LRP5: variants seen among roughly 807,000 people sequenced by gnomAD.
LRP5 encodes the protein LDL receptor related protein 5.
Under a neutral mutation model 154.1 loss-of-function variants are expected in LRP5, and 62 were observed. That is an observed-to-expected ratio of 0.40 (90% confidence interval 0.33 to 0.50). LRP5 has a LOEUF of 0.50. Ranked by LOEUF, LRP5 falls within the 20% of genes least tolerant of loss-of-function variation. LRP5 has a pLI of 0.55. For synonymous variants in LRP5, 966 were observed against 1,011.5 expected, an observed-to-expected ratio of 0.96 and a Z score of 0.85; for missense variants, 1,915 against 2,336.7, an observed-to-expected ratio of 0.82 and a Z score of 3.72.
intron 1 of LRP5, among the ~76,000 whole-genome samples, chr11:68,347,296 C>A (rs991455693): frequency 6.6e-6 from 1 of 152,208 alleles, no homozygotes; most frequent in African/African-American, 2.4e-5. Flanking sequence ...GCTGATGCCA[C>A]GGCCAAGGAA....
intron 5 of LRP5, among the ~76,000 whole-genome samples, chr11:68,374,910 C>G (rs954946721): frequency 3.3e-5 from 5 of 152,330 alleles, no homozygotes; most frequent in Admixed American, 2.0e-4. Flanking sequence ...TGGGTGAATG[C>G]TGTGGGCGCC....
intron 1 of LRP5, among the ~76,000 whole-genome samples, chr11:68,343,265 C>T (rs2098610189): frequency 6.6e-6 from 1 of 152,158 alleles, no homozygotes; most frequent in Non-Finnish European, 1.5e-5. Context: ...GTTCCGTGTC[C>T]AGTCCCACTC....
intron 5 of LRP5, among the ~76,000 whole-genome samples, chr11:68,383,407 G>A (rs2098641337): frequency 2.6e-5 from 4 of 152,198 alleles, no homozygotes; most frequent in Admixed American, 2.6e-4. Flanking sequence ...AGCCCTTGGG[G>A]ACCTTCCAGG....
intron 21 of LRP5, 99 bp downstream of exon 21, chr11:68,440,015 T>A: frequency 3.7e-6 from 4 of 1,094,338 alleles, no homozygotes; most frequent in Non-Finnish European, 5.1e-6. Flanking sequence ...TCCTGGGGGC[T>A]GTGCCACCGC....
chr11:68,440,838 G>C (rs1565119432), intron 21 of LRP5, among the ~76,000 whole-genome samples: 2 of 151,734 alleles, frequency 1.3e-5, no homozygotes, highest in Non-Finnish European at 2.9e-5. Context: ...GTGATCTCTA[G>C]GCTCACCGCA....
At chr11:68,446,395 G>T in intron 21 of LRP5, 41 bp from the exon 22 acceptor site, 2 of 1,357,062 alleles carry the variant, frequency 1.5e-6, no homozygotes, top group Non-Finnish European at 2.1e-6. Flanking sequence ...GAATGCCCAG[G>T]CTGGCGAGGC....
At position 68,348,217 on chromosome 11, in the gene LRP5, G is replaced by A. The variant is rs1274222251; in HGVS notation, c.462G>A (p.Arg154=). 2 of 1,608,998 alleles carry A rather than the reference G, an allele frequency of 1.2e-6. No homozygotes were observed. Among genetic ancestry groups the A allele is most frequent in the Non-Finnish European group, 1.7e-6 (2 of 1,180,014 alleles). The change falls in exon 2 of 23, where the codon AGG becomes AGA. Residue 154 remains arginine, a synonymous_variant. Coordinates refer to ENST00000294304, the MANE Select transcript of LRP5 (RefSeq NM_002335.4). ...VLFWQDLDQP[R]AIALDPAHGY... is the part of the protein sequence containing the mutation. ...TCTGGCAGGACCTTGACCAGCCGAG[G>A]GCCATCGCCTTGGACCCCGCTCACG...
chr11:68,317,932 G>T (rs1255058929), intron 1 of LRP5, among the ~76,000 whole-genome samples: 23 of 152,096 alleles, frequency 1.5e-4, no homozygotes, highest in Admixed American at 2.0e-4. Flanking sequence ...CTGGGAGGTT[G>T]TCCTGGGGGT....
chr11:68,433,758 G>A lies in LRP5; in HGVS notation c.3920G>A (p.Arg1307Gln), dbSNP rs760090713. Residue 1307 changes from arginine to glutamine, a missense_variant, in exon 18 of 23, where the codon CGG becomes CAG. This residue lies in a region of LRP5 where 1,094 missense variants were observed against 1,210.1 expected (regional missense o/e 0.90). Transcript: ENST00000294304. ...VCSAAQFPCA[R>Q]GQCVDLRLRC... ...TCCGCCGCCCAGTTCCCCTGCGCGC[G>A]GGGTCAGTGTGTGGACCTGCGCCTG... 23 of 1,612,568 alleles carry A rather than the reference G, an allele frequency of 1.4e-5. No homozygotes were observed. The highest frequency in any genetic ancestry group is 1.1e-4 in the South Asian group (10 of 91,050).
chr11:68,386,499 C>A lies in LRP5; in HGVS notation c.1199C>A (p.Ala400Glu), dbSNP rs201320326. ...GACGAGGTGCGGGCCATCCGCAGGG[C>A]GTACCTGGACGGGTCTGGGGCGCAG... ...TDDEVRAIRR[A>E]YLDGSGAQTL... Residue 400 changes from alanine to glutamate, a missense_variant, in exon 6 of 23, where the codon GCG becomes GAG. Around this residue, in one of 3 missense-constraint regions of LRP5, gnomAD observed 773 missense variants for 1,100.9 expected, o/e 0.70. Coordinates refer to ENST00000294304, the MANE Select transcript of LRP5 (RefSeq NM_002335.4). The surrounding 1 kb of genome is among the most constrained non-coding windows in gnomAD (Gnocchi z 7.9). The A allele has an allele frequency of 1.2e-5, 19 of 1,614,082 alleles. No individual in the cohort carries two copies. The highest frequency in any genetic ancestry group is 1.6e-5 in the Non-Finnish European group (19 of 1,180,016).
intron 5 of LRP5, among the ~76,000 whole-genome samples, chr11:68,371,706 T>C (rs538439811): frequency 1.3e-5 from 2 of 152,348 alleles, no homozygotes; most frequent in South Asian, 4.1e-4. Flanking sequence ...CTGGAGCTGC[T>C]CACCCAGGGG....
chr11:68,331,494 G>T lies in LRP5; in HGVS notation c.92-16353G>T, dbSNP rs550465735. On this transcript the variant is annotated intron_variant, in intron 1 of 22. Coordinates refer to ENST00000294304, the MANE Select transcript of LRP5 (RefSeq NM_002335.4). Reference sequence around the variant, plus strand: ...CCCAGCTCTGCGGTGGAGCAGCAGGGACCTGCCTGGCCCATCTCCCTGTTG... The same window carrying T: ...CCCAGCTCTGCGGTGGAGCAGCAGGTACCTGCCTGGCCCATCTCCCTGTTG... 3.2e-4 allele frequency among the ~76,000 whole-genome samples: 49 copies of T among 152,336 alleles called. 1 individual carries two copies. The South Asian group carries it at 0.01, about 32-fold the overall frequency.
At chr11:68,337,219 C>T (rs966723772) in intron 1 of LRP5, among the ~76,000 whole-genome samples, 8 of 152,084 alleles carry the variant, frequency 5.3e-5, no homozygotes, top group African/African-American at 9.7e-5. Flanking sequence ...CATGCCGATG[C>T]GGGGTGGACA....
chr11:68,370,459 G>C (rs551136763), intron 5 of LRP5, among the ~76,000 whole-genome samples: 1 of 152,252 alleles, frequency 6.6e-6, no homozygotes, highest in African/African-American at 2.4e-5. Context: ...CTGGCAGGGG[G>C]CCTGGTGGCT....
chr11:68,371,720 C>T (rs1199047326), intron 5 of LRP5, among the ~76,000 whole-genome samples: 1 of 152,238 alleles, frequency 6.6e-6, no homozygotes, highest in Non-Finnish European at 1.5e-5. Flanking sequence ...CCAGGGGCAA[C>T]GTGAAGAAAA....
At chr11:68,396,353 G>A (rs2098649354) in intron 7 of LRP5, among the ~76,000 whole-genome samples, 1 of 152,192 alleles carries the variant, frequency 6.6e-6, no homozygotes, top group Non-Finnish European at 1.5e-5. Flanking sequence ...GCTGGGGAGT[G>A]GTGGGAGAGA....
intron 18 of LRP5, among the ~76,000 whole-genome samples, chr11:68,434,327 T>C (rs2098673647): frequency 6.6e-6 from 1 of 151,856 alleles, no homozygotes; most frequent in Non-Finnish European, 1.5e-5. Context: ...AACACATCTC[T>C]TCTGTGCCCC....
chr11:68,340,413 A>G (rs1438841611), intron 1 of LRP5, among the ~76,000 whole-genome samples: 4 of 152,074 alleles, frequency 2.6e-5, no homozygotes, highest in Admixed American at 2.0e-4. Flanking sequence ...TTTGTGTTGG[A>G]GCTGGCCCAG....
rs2098630645 is a variant in LRP5, at chr11:68,365,713, G to GGGACGGGACGGGGCGGGC, written c.1015+14_1015+31dup. On this transcript the variant is annotated intron_variant, in intron 5 of 22. Coordinates refer to ENST00000294304, the MANE Select transcript of LRP5 (RefSeq NM_002335.4). Reference sequence around the variant, plus strand: ...GGACGTGTAAGGCAGGTGAGGCGGTGGGACGGGACGGGGCGGGCGGGCGGG... The same window carrying GGGACGGGACGGGGCGGGC: ...GGACGTGTAAGGCAGGTGAGGCGGTGGGACGGGACGGGGCGGGCGGACGGGACGGGGCGGGCGGGCGGG... The GGGACGGGACGGGGCGGGC allele has an allele frequency of 1.3e-6, 2 of 1,573,344 alleles. No homozygotes were observed. Among genetic ancestry groups the GGGACGGGACGGGGCGGGC allele is most frequent in the African/African-American group, 2.7e-5 (2 of 73,672 alleles).
Sources: gnomAD v4.1 joint callset for allele counts (sites outside exome capture counted in the v4.1 genomes callset) on GRCh38, gnomAD v4.1.1 for gene constraint, gnomAD v4.1.1 regional missense constraint, Gnocchi (gnomAD v3.1) non-coding constraint, MANE v1.5 for transcripts, NCBI Gene and HGNC (gene_info 2026-07-23, HGNC 2026-07-21) for gene names.